FHIT: variants seen among roughly 807,000 people sequenced by gnomAD.
The protein encoded by FHIT is bis(5'-adenosyl)-triphosphatase.
A neutral mutation model predicts 17.9 loss-of-function variants in FHIT; 19 were observed. That is an observed-to-expected ratio of 1.06 (90% CI 0.74 to 1.56). The LOEUF (loss-of-function observed/expected upper bound fraction) is 1.56, where lower values mean the gene tolerates loss of function less well. Ranked by LOEUF, FHIT falls within the 40% of genes most tolerant of loss-of-function variation. The probability of loss-of-function intolerance (pLI) is 0.00; values close to 1 mark genes in which losing one functional copy is unlikely to be tolerated. For missense variants in FHIT, 248 were observed against 189.2 expected, an observed-to-expected ratio of 1.31 and a Z score of -1.82; for synonymous variants, 81 against 69.7, an observed-to-expected ratio of 1.16 and a Z score of -0.81.
At chr3:59,887,943 T>G (rs1198345694) in intron 8 of FHIT, among the ~76,000 whole-genome samples, 1 of 152,322 alleles carries the variant, frequency 6.6e-6, no homozygotes, top group African/African-American at 2.4e-5. Context: ...TTTATTAGCA[T>G]GCAGGGGCCA....
intron 7 of FHIT, among the ~76,000 whole-genome samples, chr3:59,977,200 T>C (rs1259730305): frequency 6.6e-6 from 1 of 152,096 alleles, no homozygotes; most frequent in African/African-American, 2.4e-5. Flanking sequence ...AAAATAAAAG[T>C]GTTTTTCCCA....
At chr3:60,052,619 G>A (rs188771279) in intron 5 of FHIT, among the ~76,000 whole-genome samples, 180 of 152,032 alleles carry the variant, frequency 1.2e-3, no homozygotes, top group Middle Eastern at 6.9e-3. Flanking sequence ...GAATCAGAAA[G>A]TAGCAGCCAG....
intron 7 of FHIT, among the ~76,000 whole-genome samples, chr3:59,931,356 G>A (rs76824474): frequency 0.01 from 1,562 of 152,192 alleles, 32 homozygotes; most frequent in African/African-American, 0.036. Flanking sequence ...CAACTAAGTC[G>A]AGTCAAGGGT....
At chr3:60,758,783 T>C (rs1290807264) in intron 4 of FHIT, among the ~76,000 whole-genome samples, 1 of 152,208 alleles carries the variant, frequency 6.6e-6, no homozygotes, top group East Asian at 1.9e-4. Context: ...ATGCCTACTC[T>C]CTTGGAGCTT....
chr3:60,381,941 T>C (rs547558807), intron 5 of FHIT, among the ~76,000 whole-genome samples: 4 of 150,584 alleles, frequency 2.7e-5, no homozygotes, highest in East Asian at 2.0e-4. Flanking sequence ...TGGTAGGTGG[T>C]AACTACAAGT....
intron 5 of FHIT, among the ~76,000 whole-genome samples, chr3:60,387,183 G>A (rs1701047516): frequency 6.6e-6 from 1 of 151,826 alleles, no homozygotes; most frequent in Non-Finnish European, 1.5e-5. Context: ...TAGAGACAGG[G>A]TTTCACAATG....
intron 4 of FHIT, among the ~76,000 whole-genome samples, chr3:60,582,285 A>G (rs1356866845): frequency 6.6e-6 from 1 of 152,124 alleles, no homozygotes; most frequent in Non-Finnish European, 1.5e-5. Context: ...GCGACTAGTC[A>G]TTAAAGGCAT....
At chr3:60,318,421 G>T (rs1473855072) in intron 5 of FHIT, among the ~76,000 whole-genome samples, 1 of 152,028 alleles carries the variant, frequency 6.6e-6, no homozygotes, top group Non-Finnish European at 1.5e-5. Flanking sequence ...GGCATCTGGG[G>T]GGTGAAAAAA....
chr3:60,782,756 G>T (rs1700436005), intron 4 of FHIT, among the ~76,000 whole-genome samples: 1 of 152,144 alleles, frequency 6.6e-6, no homozygotes, highest in Non-Finnish European at 1.5e-5. Flanking sequence ...CCAAGGTCAA[G>T]GTGCCAGTAG....
At chr3:60,486,586 T>C (rs2033851073) in intron 5 of FHIT, among the ~76,000 whole-genome samples, 2 of 152,248 alleles carry the variant, frequency 1.3e-5, no homozygotes, top group South Asian at 2.1e-4. Flanking sequence ...TAAAGATCTA[T>C]AGGTCAGAGA....
chr3:60,310,262 C>G (rs981843161), intron 5 of FHIT, among the ~76,000 whole-genome samples: 3 of 152,136 alleles, frequency 2.0e-5, no homozygotes, highest in Non-Finnish European at 2.9e-5. Context: ...TGACATCTGC[C>G]TCTCTGTTCT....
chr3:59,858,135 T>G (rs993248206), intron 8 of FHIT, among the ~76,000 whole-genome samples: 4 of 152,112 alleles, frequency 2.6e-5, no homozygotes, highest in African/African-American at 9.7e-5. Flanking sequence ...GGTTTGCCCA[T>G]TCAACATATG....
intron 5 of FHIT, among the ~76,000 whole-genome samples, chr3:60,026,283 C>T (rs1700738053): frequency 6.6e-6 from 1 of 151,220 alleles, no homozygotes; most frequent in African/African-American, 2.4e-5. Context: ...ATATTTCACA[C>T]CAACAAATAA....
intron 8 of FHIT, among the ~76,000 whole-genome samples, chr3:59,876,223 C>T (rs541119866): frequency 6.6e-6 from 1 of 152,010 alleles, no homozygotes; most frequent in African/African-American, 2.4e-5. Flanking sequence ...GCAGAAAAAA[C>T]ATATATAAAT....
intron 3 of FHIT, among the ~76,000 whole-genome samples, chr3:61,024,629 T>C (rs1196535927): frequency 6.6e-6 from 1 of 152,144 alleles, no homozygotes; most frequent in African/African-American, 2.4e-5. Context: ...TGACTAAATA[T>C]ATAAAGATGG....
At chr3:59,935,421 G>A (rs1342367102) in intron 7 of FHIT, among the ~76,000 whole-genome samples, 1 of 151,980 alleles carries the variant, frequency 6.6e-6, no homozygotes, top group East Asian at 1.9e-4. Flanking sequence ...CCTCCTTTGT[G>A]TACTCTTCAG....
chr3:60,048,670 G>A (rs1357172534), intron 5 of FHIT, among the ~76,000 whole-genome samples: 1 of 152,152 alleles, frequency 6.6e-6, no homozygotes, highest in Non-Finnish European at 1.5e-5. Flanking sequence ...ATTGTATAGG[G>A]CCTTATTTTG....
Position 60,860,237 on chromosome 3 carries a change from T to TGGTATACATGAGATACATCATATGTATAC in FHIT, c.-110-38227_-110-38226insGTATACATATGATGTATCTCATGTATACC, listed in dbSNP as rs1703614805. Among the ~76,000 whole-genome samples the TGGTATACATGAGATACATCATATGTATAC allele has an allele frequency of 1.0e-4, 10 of 98,842 alleles. No homozygotes were observed. In the South Asian group the frequency reaches 2.8e-3, roughly 28 times the overall value. The allele number at this position is 98,842 out of a possible 152,430, so 64.8% of individuals were successfully genotyped here. ...ATACATGAGATACATCATATGTATA[T>TGGTATACATGAGATACATCATATGTATAC]ATGGTATACATGAGATACATCATAT... On this transcript the variant is annotated intron_variant, in intron 3 of 9. Coordinates refer to ENST00000492590, the MANE Select transcript of FHIT (RefSeq NM_002012.4).
chr3:60,184,469 G>A (rs1387703387), intron 5 of FHIT, among the ~76,000 whole-genome samples: 2 of 152,204 alleles, frequency 1.3e-5, no homozygotes, highest in African/African-American at 2.4e-5. Context: ...TTTGTCTGAT[G>A]TCTTTCTCAT....
Sources: gnomAD v4.1 joint callset for allele counts (sites outside exome capture counted in the v4.1 genomes callset) on GRCh38, gnomAD v4.1.1 for gene constraint, MANE v1.5 for transcripts, NCBI Gene and HGNC (gene_info 2026-07-23, HGNC 2026-07-21) for gene names.